PYROXD2: variants seen among roughly 807,000 people sequenced by gnomAD.
The protein encoded by PYROXD2 is pyridine nucleotide-disulphide oxidoreductase domain 2.
A neutral mutation model predicts 71.1 loss-of-function variants in PYROXD2; 69 were observed. The observed-to-expected ratio is 0.97, with a 90% CI of 0.80 to 1.19. The LOEUF is 1.19. PYROXD2 is among the 50% of genes most tolerant of loss of function. The probability of loss-of-function intolerance (pLI) is 0.00; values close to 1 mark genes in which losing one functional copy is unlikely to be tolerated. For synonymous variants in PYROXD2, 287 were observed against 302.7 expected (o/e 0.95, Z 0.54); for missense variants, 745 against 748.9 (o/e 0.99, Z 0.06).
In PYROXD2 at chr10:98,383,573, A is replaced by G. The variant is rs561879525; in HGVS notation, c.*225T>C. On this transcript the variant is annotated 3_prime_UTR_variant, in exon 16 of 16. Transcript: ENST00000370575. ...AAAAAATACAAGCAAAATAATCTGT[A>G]TGAAATATTAGTTTTAATAAAACAG... 23 of 592,226 alleles carry G rather than the reference A, an allele frequency of 3.9e-5. No homozygotes were observed. In the African/African-American group the frequency reaches 4.3e-4, roughly 11 times the overall value. 36.7% of individuals were successfully genotyped at this position (592,226 alleles called of 1,614,324 possible).
intron 2 of PYROXD2, among the ~76,000 whole-genome samples, chr10:98,408,763 C>T (rs1843692902): frequency 6.6e-6 from 1 of 152,174 alleles, no homozygotes; most frequent in African/African-American, 2.4e-5. Flanking sequence ...GCCCTGTGAC[C>T]ACAGGAATGG....
chr10:98,385,599 G>A (rs1842725166), intron 14 of PYROXD2, among the ~76,000 whole-genome samples: 1 of 152,184 alleles, frequency 6.6e-6, no homozygotes, highest in Non-Finnish European at 1.5e-5. Context: ...TCAGACTCAG[G>A]GGGCAGGTCT....
At chr10:98,395,553 G>T (rs1351734444) in intron 6 of PYROXD2, 101 bp from the exon 7 acceptor site, 2 of 1,011,080 alleles carry the variant, frequency 2.0e-6, no homozygotes, top group Non-Finnish European at 3.1e-6. Context: ...GAGACTTCCT[G>T]CCAGGAGGTG....
chr10:98,399,856 G>C (rs1474552984), intron 5 of PYROXD2, among the ~76,000 whole-genome samples: 1 of 152,196 alleles, frequency 6.6e-6, no homozygotes, highest in East Asian at 1.9e-4. Context: ...TCTGACAGTG[G>C]CCCCATACTG....
chr10:98,396,958 A>G (rs1268287450), intron 6 of PYROXD2, among the ~76,000 whole-genome samples: 3 of 152,126 alleles, frequency 2.0e-5, no homozygotes, highest in Non-Finnish European at 1.5e-5. Flanking sequence ...GGTTCCTCAA[A>G]TGCTTTTCAT....
intron 4 of PYROXD2, among the ~76,000 whole-genome samples, chr10:98,405,275 G>A: frequency 6.6e-6 from 1 of 152,228 alleles, no homozygotes; most frequent in East Asian, 1.9e-4. Flanking sequence ...AGGGGAGGCA[G>A]GCCCTGGTGG....
chr10:98,390,239 G>A (rs777049474), intron 12 of PYROXD2, among the ~76,000 whole-genome samples: 26 of 152,176 alleles, frequency 1.7e-4, no homozygotes, highest in Non-Finnish European at 3.2e-4. Context: ...GAAAGGCTAC[G>A]GAGCAGGGGA....
intron 12 of PYROXD2, among the ~76,000 whole-genome samples, chr10:98,389,660 T>C (rs1218356695): frequency 6.6e-6 from 1 of 152,222 alleles, no homozygotes; most frequent in Non-Finnish European, 1.5e-5. Context: ...TTTCCCCAGA[T>C]ACCCATAAGA....
At chr10:98,393,194 C>T (rs1002456537) in intron 8 of PYROXD2, 111 bp from the exon 9 acceptor site, 6 of 829,460 alleles carry the variant, frequency 7.2e-6, no homozygotes, top group Non-Finnish European at 1.1e-5. Flanking sequence ...CTGCCACCAT[C>T]CAGCCCTCTC....
Position 98,393,049 on chromosome 10 carries a change from C to T in PYROXD2, c.820G>A (p.Glu274Lys). The T allele has an allele frequency of 6.3e-7, 1 of 1,594,170 alleles. No homozygotes were observed. The highest frequency in any genetic ancestry group is 8.5e-7 in the Non-Finnish European group (1 of 1,173,216). ...VLLHHVMGGL[E>K]GMQGAWGYVQ... The stretch of plus-strand genomic sequence containing the variant: ...TAGCCCCAGGCCCCCTGCATTCCCT[C>T]CAGGCCCCCCATCACATGGTGCAGC... The change falls in exon 9 of 16, where the codon GAG becomes AAG. Residue 274 changes from glutamate to lysine, a missense_variant. Physicochemically the swap from Glu to Lys is moderately conservative, Grantham distance 56. Transcript: ENST00000370575.
intron 15 of PYROXD2, among the ~76,000 whole-genome samples, chr10:98,384,134 TTAG>T (rs1842676063): frequency 6.6e-6 from 1 of 151,494 alleles, no homozygotes; most frequent in East Asian, 1.9e-4. Flanking sequence ...GGGCACACGC[TTAG>T]TAAGTGAAGT....
Position 98,397,394 on chromosome 10 carries a change from CA to C in PYROXD2, c.575del (p.Leu192CysfsTer5). ...VDMAAFQHGS[L>X]LQRMRSLSTL... Reference sequence around the variant, plus strand: ...TGGAGAGCGACCTCATCCTTTGCAGCAAGGAGCCATGCTGGAAGGCCGCCAT... The same window carrying C: ...TGGAGAGCGACCTCATCCTTTGCAGCAGGAGCCATGCTGGAAGGCCGCCAT... On this transcript the variant is annotated frameshift_variant, in exon 6 of 16. Transcript: ENST00000370575. LOFTEE classifies it high-confidence loss of function. 1.9e-6 allele frequency: 3 copies of C among 1,613,094 alleles called. No individual in the cohort carries two copies. The highest frequency in any genetic ancestry group is 2.5e-6 in the Non-Finnish European group (3 of 1,179,406).
intron 4 of PYROXD2, among the ~76,000 whole-genome samples, chr10:98,401,752 A>G (rs761793506): frequency 2.0e-5 from 3 of 152,200 alleles, no homozygotes; most frequent in African/African-American, 7.2e-5. Flanking sequence ...GGTCAGGATC[A>G]TCAATGTCAC....
At chr10:98,386,805 T>C (rs776916402) in intron 14 of PYROXD2, among the ~76,000 whole-genome samples, 5 of 152,192 alleles carry the variant, frequency 3.3e-5, no homozygotes, top group Non-Finnish European at 7.3e-5. Flanking sequence ...AATGAGGCGA[T>C]TGAACCTGGC....
intron 5 of PYROXD2, among the ~76,000 whole-genome samples, chr10:98,398,646 A>G (rs1564802905): frequency 6.6e-6 from 1 of 152,216 alleles, no homozygotes; most frequent in South Asian, 2.1e-4. Context: ...CACGATGGGA[A>G]ATGGGCACTT....
chr10:98,414,897 T>A, intron 1 of PYROXD2, 112 bp downstream of exon 1: 1 of 1,460,630 alleles, frequency 6.8e-7, no homozygotes, highest in Middle Eastern at 1.8e-4. Flanking sequence ...GGCTGGGTTA[T>A]GCCAGAGGAG....
chr10:98,394,543 A>ACACACACAC (rs1843081200), intron 8 of PYROXD2, among the ~76,000 whole-genome samples: 1 of 141,818 alleles, frequency 7.1e-6, no homozygotes, highest in South Asian at 2.4e-4. Flanking sequence ...TCTCCATCCC[A>ACACACACAC]ACACACACAC....
chr10:98,403,661 CT>C (rs1345438995), intron 4 of PYROXD2, among the ~76,000 whole-genome samples: 1 of 152,190 alleles, frequency 6.6e-6, no homozygotes, highest in Non-Finnish European at 1.5e-5. Context: ...CTGGTGACCT[CT>C]TGGTACCTGA....
intron 8 of PYROXD2, among the ~76,000 whole-genome samples, chr10:98,393,429 T>C (rs1442449387): frequency 6.6e-6 from 1 of 152,056 alleles, no homozygotes; most frequent in Non-Finnish European, 1.5e-5. Flanking sequence ...CACCACCTTT[T>C]CCCCATTCTC....
Sources: gnomAD v4.1 joint callset for allele counts (sites outside exome capture counted in the v4.1 genomes callset) on GRCh38, gnomAD v4.1.1 for gene constraint, MANE v1.5 for transcripts, NCBI Gene and HGNC (gene_info 2026-07-23, HGNC 2026-07-21) for gene names.